NRP1: variants seen among roughly 807,000 people sequenced by gnomAD.
NRP1 encodes neuropilin-1.
A neutral mutation model predicts 106.7 loss-of-function variants in NRP1; 35 were observed. The observed-to-expected ratio is 0.33, with a 90% confidence interval of 0.25 to 0.43. The LOEUF (loss-of-function observed/expected upper bound fraction) is 0.43, where lower values mean the gene tolerates loss of function less well. Among genes scored for constraint, NRP1 ranks in the 20% least tolerant of loss-of-function variants. The pLI is 1.00. For missense variants in NRP1, 1,024 were observed against 1,170.4 expected (o/e 0.87, Z 1.83); for synonymous variants, 437 against 417.9 (o/e 1.05, Z -0.56).
intron 2 of NRP1, among the ~76,000 whole-genome samples, chr10:33,282,816 G>A (rs1403958142): frequency 1.3e-5 from 2 of 152,038 alleles, no homozygotes; most frequent in Admixed American, 6.5e-5. Context: ...CACGATCTTG[G>A]CTCACTGCGA....
At chr10:33,296,234 C>T (rs1845374074) in intron 2 of NRP1, among the ~76,000 whole-genome samples, 1 of 152,194 alleles carries the variant, frequency 6.6e-6, no homozygotes, top group South Asian at 2.1e-4. Flanking sequence ...TCTTTCAGCT[C>T]CATCCTCGGG....
intron 4 of NRP1, among the ~76,000 whole-genome samples, chr10:33,260,597 C>T (rs1049816121): frequency 1.3e-4 from 20 of 152,110 alleles, no homozygotes; most frequent in African/African-American, 4.6e-4. Flanking sequence ...AGCATGTACC[C>T]GGGCAATGAT....
At chr10:33,255,799 A>G (rs1283615053) in intron 5 of NRP1, among the ~76,000 whole-genome samples, 1 of 152,142 alleles carries the variant, frequency 6.6e-6, no homozygotes, top group Non-Finnish European at 1.5e-5. Flanking sequence ...TAAAAGAGCT[A>G]GAGACCACAA....
chr10:33,202,772 T>G (rs1837440339), intron 11 of NRP1, 119 bp downstream of exon 11: 1 of 1,591,234 alleles, frequency 6.3e-7, no homozygotes, highest in Non-Finnish European at 8.6e-7. Context: ...CAAGGCAGCT[T>G]CTATTCCTGG....
At chr10:33,251,611 T>A in intron 6 of NRP1, among the ~76,000 whole-genome samples, 1 of 151,902 alleles carries the variant, frequency 6.6e-6, no homozygotes, top group Non-Finnish European at 1.5e-5. Flanking sequence ...TGATTTGAGA[T>A]TTTTTTTTCT....
chr10:33,200,172 G>A (rs1246416289), intron 11 of NRP1, among the ~76,000 whole-genome samples: 1 of 152,176 alleles, frequency 6.6e-6, no homozygotes, highest in African/African-American at 2.4e-5. Context: ...AAAGATTCAA[G>A]GTGAAAATTC....
intron 2 of NRP1, among the ~76,000 whole-genome samples, chr10:33,317,251 A>G (rs1455027748): frequency 6.6e-6 from 1 of 152,194 alleles, no homozygotes; most frequent in East Asian, 1.9e-4. Flanking sequence ...TGAGGTGGGG[A>G]TAAGGAGCTA....
intron 3 of NRP1, 134 bp from the exon 4 acceptor site, chr10:33,264,007 A>T: frequency 1.6e-6 from 1 of 631,250 alleles, no homozygotes; most frequent in South Asian, 2.0e-5. Flanking sequence ...ATCATGTATT[A>T]GTCAGCCTTT....
intron 2 of NRP1, among the ~76,000 whole-genome samples, chr10:33,274,122 C>T (rs1843512599): frequency 1.3e-5 from 2 of 152,182 alleles, no homozygotes; most frequent in African/African-American, 4.8e-5. Flanking sequence ...TGCCAAGGAA[C>T]TCAAAGATAA....
intron 2 of NRP1, among the ~76,000 whole-genome samples, chr10:33,310,550 T>C (rs890740043): frequency 2.6e-5 from 4 of 152,116 alleles, no homozygotes; most frequent in African/African-American, 9.7e-5. Context: ...CGCGCCCAGC[T>C]GCTTTATTTA....
At chr10:33,206,836 G>A (rs1588720915) in intron 10 of NRP1, among the ~76,000 whole-genome samples, 1 of 152,280 alleles carries the variant, frequency 6.6e-6, no homozygotes, top group East Asian at 1.9e-4. Flanking sequence ...TTCATCATAT[G>A]TTCAAAGAGA....
At chr10:33,332,348 T>C (rs1848342771) in intron 1 of NRP1, among the ~76,000 whole-genome samples, 1 of 152,222 alleles carries the variant, frequency 6.6e-6, no homozygotes, top group South Asian at 2.1e-4. Flanking sequence ...GTGATTCTGC[T>C]GAGACTCTTG....
chr10:33,227,564 G>A (rs1369755293), intron 6 of NRP1, among the ~76,000 whole-genome samples: 10 of 152,284 alleles, frequency 6.6e-5, no homozygotes, highest in Middle Eastern at 3.4e-3. Context: ...GGAGACTGAT[G>A]TCTCTAGGAA....
At chr10:33,255,632 A>G (rs905516958) in intron 5 of NRP1, among the ~76,000 whole-genome samples, 1 of 152,084 alleles carries the variant, frequency 6.6e-6, no homozygotes, top group African/African-American at 2.4e-5. Context: ...TTCAATTTTT[A>G]GTAGAGTCAG....
intron 2 of NRP1, among the ~76,000 whole-genome samples, chr10:33,313,423 C>T (rs1375301334): frequency 6.6e-6 from 1 of 152,034 alleles, no homozygotes. Context: ...GAAAAGACAT[C>T]TCTGATTATT....
intron 3 of NRP1, among the ~76,000 whole-genome samples, chr10:33,269,673 G>A (rs1310186919): frequency 6.6e-6 from 1 of 152,166 alleles, no homozygotes; most frequent in Non-Finnish European, 1.5e-5. Flanking sequence ...CGAGCAAAGT[G>A]TTGTCTGTAT....
At chr10:33,272,667 T>C (rs1049644717) in intron 2 of NRP1, among the ~76,000 whole-genome samples, 1 of 152,110 alleles carries the variant, frequency 6.6e-6, no homozygotes, top group Non-Finnish European at 1.5e-5. Flanking sequence ...ATTTATGGAG[T>C]AATTCCTTTT....
intron 3 of NRP1, among the ~76,000 whole-genome samples, chr10:33,269,768 G>A (rs770411973): frequency 2.6e-5 from 4 of 152,016 alleles, no homozygotes; most frequent in African/African-American, 7.2e-5. Flanking sequence ...TCATAGGAGC[G>A]CAAACCCTAT....
intron 6 of NRP1, among the ~76,000 whole-genome samples, chr10:33,226,563 A>G (rs1198340464): frequency 6.6e-6 from 1 of 152,230 alleles, no homozygotes; most frequent in East Asian, 1.9e-4. Flanking sequence ...AGCTAACCTG[A>G]AAAACTAGTT....
Sources: gnomAD v4.1 joint callset for allele counts (sites outside exome capture counted in the v4.1 genomes callset) on GRCh38, gnomAD v4.1.1 for gene constraint, MANE v1.5 for transcripts, NCBI Gene and HGNC (gene_info 2026-07-23, HGNC 2026-07-21) for gene names.